The following CCSER2 variants were observed in gnomAD, a reference collection of about 807,000 sequenced individuals.
CCSER2 encodes the protein coiled-coil serine rich protein 2.
CCSER2 carries 46 observed loss-of-function variants against 92.3 expected under a neutral mutation model. That is an observed-to-expected ratio of 0.50 (90% CI 0.39 to 0.64). The LOEUF is 0.64. CCSER2 is among the 30% of genes least tolerant of loss of function. The pLI is 0.00. For synonymous variants in CCSER2, 433 were observed against 431.4 expected, an observed-to-expected ratio of 1.00 and a Z score of -0.04; for missense variants, 1,244 against 1,238.9, an observed-to-expected ratio of 1.00 and a Z score of -0.06.
At chr10:84,453,242 A>T (rs1181896765) in intron 6 of CCSER2, among the ~76,000 whole-genome samples, 1 of 152,114 alleles carries the variant, frequency 6.6e-6, no homozygotes, top group African/African-American at 2.4e-5. Flanking sequence ...TAAATTGATC[A>T]GAACAATATA....
intron 9 of CCSER2, among the ~76,000 whole-genome samples, chr10:84,504,216 A>T (rs1301116184): frequency 6.6e-6 from 1 of 152,172 alleles, no homozygotes; most frequent in Non-Finnish European, 1.5e-5. Flanking sequence ...TTAGGTTTTA[A>T]TATACTGACT....
chr10:84,352,642 C>G (rs1844928384), intron 1 of CCSER2, among the ~76,000 whole-genome samples: 2 of 152,004 alleles, frequency 1.3e-5, no homozygotes, highest in Non-Finnish European at 2.9e-5. Context: ...TATTAAGTGC[C>G]ACTGACAGGT....
intron 6 of CCSER2, among the ~76,000 whole-genome samples, chr10:84,448,593 CAG>C (rs1845073910): frequency 6.6e-6 from 1 of 152,154 alleles, no homozygotes; most frequent in African/African-American, 2.4e-5. Flanking sequence ...TTTATTGAGA[CAG>C]AATGTACATT....
chr10:84,372,555 C>G (rs1444344937), intron 2 of CCSER2, 86 bp downstream of exon 2: 2 of 835,008 alleles, frequency 2.4e-6, no homozygotes, highest in Non-Finnish European at 3.7e-6. Flanking sequence ...AGATAGATTT[C>G]AAGATATTAT....
chr10:84,442,047 C>T (rs572331449), intron 6 of CCSER2, among the ~76,000 whole-genome samples: 14 of 152,120 alleles, frequency 9.2e-5, no homozygotes, highest in African/African-American at 1.7e-4. Flanking sequence ...TGAACCACCA[C>T]GCCTAGCCAA....
intron 6 of CCSER2, among the ~76,000 whole-genome samples, chr10:84,450,658 A>G (rs1192654402): frequency 1.3e-5 from 2 of 152,230 alleles, no homozygotes; most frequent in African/African-American, 4.8e-5. Flanking sequence ...CAATAAATTT[A>G]CTGAGAGACA....
chr10:84,507,556 T>C (rs1372911681), intron 9 of CCSER2, among the ~76,000 whole-genome samples: 2 of 152,222 alleles, frequency 1.3e-5, no homozygotes, highest in Non-Finnish European at 1.5e-5. Flanking sequence ...GTGTCTGTTA[T>C]GCAGTAGCAT....
chr10:84,335,226 C>CTTTTTTTTTTTT lies in CCSER2; in HGVS notation c.-40+6419_-40+6420insTTTTTTTTTTTT, dbSNP rs879479939. On this transcript the variant is annotated intron_variant, in intron 1 of 9. Transcript: ENST00000372088. ...TCCCCAGCATTCTACTTCTCTCTCT[C>CTTTTTTTTTTTT]TCTTTTTTTTTTTTTTTTTTTTTTT... Among the ~76,000 whole-genome samples, 9 of 95,070 alleles carry CTTTTTTTTTTTT rather than the reference C, an allele frequency of 9.5e-5. 1 individual carries two copies. The highest frequency in any genetic ancestry group is 1.5e-4 in the Non-Finnish European group (7 of 45,780). 62.4% of individuals were successfully genotyped at this position (95,070 alleles called of 152,430 possible).
At chr10:84,437,056 A>G (rs1255326038) in intron 5 of CCSER2, among the ~76,000 whole-genome samples, 2 of 151,882 alleles carry the variant, frequency 1.3e-5, no homozygotes, top group Non-Finnish European at 2.9e-5. Flanking sequence ...TCAATGTCTT[A>G]TTTCTTGAAA....
At chr10:84,338,920 T>C (rs961437572) in intron 1 of CCSER2, among the ~76,000 whole-genome samples, 25 of 152,174 alleles carry the variant, frequency 1.6e-4, no homozygotes, top group Admixed American at 6.5e-5. Flanking sequence ...CAATATTTAG[T>C]GTTGGAGCAT....
intron 6 of CCSER2, among the ~76,000 whole-genome samples, chr10:84,457,288 ATATATTATATAT>A (rs1564684780): frequency 0.022 from 1,660 of 74,366 alleles, 56 homozygotes; most frequent in Admixed American, 0.081. Flanking sequence ...ATTATATATT[ATATATTATATAT>A]AATATGTTAT....
chr10:84,454,200 T>G (rs75171627), intron 6 of CCSER2, among the ~76,000 whole-genome samples: 225 of 152,320 alleles, frequency 1.5e-3, no homozygotes, highest in Non-Finnish European at 2.5e-3. Flanking sequence ...TTCCTTGATT[T>G]GTAGATGCAT....
intron 7 of CCSER2, among the ~76,000 whole-genome samples, chr10:84,464,434 TG>T (rs199594345): frequency 0.058 from 2,339 of 40,042 alleles, 69 homozygotes; most frequent in African/African-American, 0.16. Flanking sequence ...TGAGTGAAAG[TG>T]TTTTTTTATA....
intron 5 of CCSER2, among the ~76,000 whole-genome samples, chr10:84,433,354 A>T (rs1843898135): frequency 1.3e-5 from 2 of 152,318 alleles, no homozygotes; most frequent in African/African-American, 2.4e-5. Flanking sequence ...GTGATGAAAC[A>T]CTAATGATTT....
intron 3 of CCSER2, among the ~76,000 whole-genome samples, chr10:84,385,749 A>G (rs1412835389): frequency 6.6e-6 from 1 of 152,198 alleles, no homozygotes; most frequent in African/African-American, 2.4e-5. Flanking sequence ...AAATAGATAA[A>G]TGGGACTTAA....
At chr10:84,489,645 G>A (rs1178775975) in intron 9 of CCSER2, among the ~76,000 whole-genome samples, 3 of 152,116 alleles carry the variant, frequency 2.0e-5, no homozygotes, top group Admixed American at 2.0e-4. Flanking sequence ...CTGCACATGA[G>A]ATCGGTCTCC....
chr10:84,433,872 G>A (rs1364310705), intron 5 of CCSER2, among the ~76,000 whole-genome samples: 1 of 152,058 alleles, frequency 6.6e-6, no homozygotes, highest in Admixed American at 6.6e-5. Flanking sequence ...TGAAACCACT[G>A]AACTCATTTT....
rs1473347294 is a variant in CCSER2, at chr10:84,339,516, C to T, written c.-40+10708C>T. Among the ~76,000 whole-genome samples the T allele has an allele frequency of 2.6e-5, 4 of 151,518 alleles. No homozygotes were observed. The East Asian group carries it at 7.8e-4, about 29-fold the overall frequency. ...TTGAGACGGAGTTTTACTCTTGTTG[C>T]CCAGGCTGGAGTGCAATGGCGTGAT... On this transcript the variant is annotated intron_variant, in intron 1 of 9. Transcript: ENST00000372088.
chr10:84,497,929 T>C (rs909237711), intron 9 of CCSER2, among the ~76,000 whole-genome samples: 57 of 152,156 alleles, frequency 3.7e-4, no homozygotes, highest in African/African-American at 1.4e-3. Context: ...AGAGGGTTCT[T>C]CGAGATGAAC....
Sources: allele counts gnomAD v4.1 joint callset (sites outside exome capture counted in the v4.1 genomes callset), GRCh38; gene constraint gnomAD v4.1.1; transcripts MANE v1.5; gene names NCBI Gene and HGNC (gene_info 2026-07-23, HGNC 2026-07-21).